The following RSU1 variants were observed in gnomAD, a reference collection of about 807,000 sequenced individuals.
The protein encoded by RSU1 is Ras suppressor protein 1, also known as rsu-1.
RSU1 carries 26 observed loss-of-function variants against 31.1 expected under a neutral mutation model. The observed-to-expected ratio is 0.84, with a 90% CI of 0.61 to 1.16. The LOEUF is 1.16. RSU1 is among the 50% of genes most tolerant of loss of function. RSU1 has a pLI of 0.00. For missense variants in RSU1, 320 were observed against 339.1 expected, an observed-to-expected ratio of 0.94 and a Z score of 0.44; for synonymous variants, 164 against 136.3, an observed-to-expected ratio of 1.20 and a Z score of -1.41.
chr10:16,619,516 A>G (rs77598344), intron 8 of RSU1, among the ~76,000 whole-genome samples: 2,186 of 152,330 alleles, frequency 0.014, 52 homozygotes, highest in African/African-American at 0.049. Context: ...AACAGAGGGA[A>G]TGAATCAACT....
chr10:16,718,800 G>A (rs971921567), intron 7 of RSU1, among the ~76,000 whole-genome samples: 1 of 152,006 alleles, frequency 6.6e-6, no homozygotes, highest in East Asian at 1.9e-4. Flanking sequence ...GGCCAACATG[G>A]TGAAACCCCG....
intron 2 of RSU1, among the ~76,000 whole-genome samples, chr10:16,813,551 T>C (rs1838457696): frequency 6.6e-6 from 1 of 152,238 alleles, no homozygotes. Context: ...CATTATTGCA[T>C]TTAACGCAAA....
intron 7 of RSU1, among the ~76,000 whole-genome samples, chr10:16,696,254 TC>T (rs1234457484): frequency 2.6e-5 from 4 of 152,172 alleles, no homozygotes; most frequent in Non-Finnish European, 4.4e-5. Flanking sequence ...CTGTTGCTGT[TC>T]CCAGGTTCTA....
intron 7 of RSU1, among the ~76,000 whole-genome samples, chr10:16,725,167 C>T (rs1010780093): frequency 5.9e-5 from 9 of 151,830 alleles, no homozygotes; most frequent in African/African-American, 2.2e-4. Context: ...TGTACATGTA[C>T]GATGCTTTAA....
rs571088937 is a variant in RSU1 at position 16,749,041 on chromosome 10, C to T, written c.598+3498G>A. The stretch of plus-strand genomic sequence containing the variant: ...GTTGAGTAAGTGACTCTTACTTTAC[C>T]GGAAAAGGCAAGTTCCTTGGACTCA... On this transcript the variant is annotated intron_variant, in intron 7 of 8. Coordinates refer to ENST00000345264, the MANE Select transcript of RSU1 (RefSeq NM_012425.4). 8.5e-5 allele frequency among the ~76,000 whole-genome samples: 13 copies of T among 152,180 alleles called. No homozygotes were observed. The South Asian group carries it at 2.1e-3, about 24-fold the overall frequency.
chr10:16,657,189 G>A (rs1055071470), intron 8 of RSU1, among the ~76,000 whole-genome samples: 1 of 152,154 alleles, frequency 6.6e-6, no homozygotes, highest in Non-Finnish European at 1.5e-5. Flanking sequence ...CAGAGATATT[G>A]ATTCAGATCT....
chr10:16,808,493 A>G (rs1274710440), intron 2 of RSU1, among the ~76,000 whole-genome samples: 1 of 150,912 alleles, frequency 6.6e-6, no homozygotes, highest in Non-Finnish European at 1.5e-5. Flanking sequence ...AAGAAAAAAA[A>G]AAAAAAAAAA....
At chr10:16,789,621 A>G (rs1202238279) in intron 2 of RSU1, among the ~76,000 whole-genome samples, 1 of 152,216 alleles carries the variant, frequency 6.6e-6, no homozygotes, top group Non-Finnish European at 1.5e-5. Context: ...GTTATTTAAA[A>G]GTACAAAAGC....
intron 7 of RSU1, among the ~76,000 whole-genome samples, chr10:16,749,007 C>T (rs1289510976): frequency 1.3e-5 from 2 of 152,100 alleles, no homozygotes; most frequent in Admixed American, 6.6e-5. Context: ...AGGGGCTCAA[C>T]AAACAGTTGT....
At chr10:16,672,651 TTTATC>T (rs1347672908) in intron 8 of RSU1, among the ~76,000 whole-genome samples, 4 of 151,972 alleles carry the variant, frequency 2.6e-5, no homozygotes, top group Admixed American at 2.0e-4. Context: ...TATGTCTATA[TTTATC>T]GAACACTCTA....
At chr10:16,642,296 A>G (rs991862793) in intron 8 of RSU1, among the ~76,000 whole-genome samples, 1 of 152,180 alleles carries the variant, frequency 6.6e-6, no homozygotes, top group Non-Finnish European at 1.5e-5. Flanking sequence ...ACCAAACAGG[A>G]TAATCCAGAG....
At chr10:16,798,188 C>T (rs376234424) in intron 2 of RSU1, among the ~76,000 whole-genome samples, 21 of 151,982 alleles carry the variant, frequency 1.4e-4, no homozygotes, top group African/African-American at 3.9e-4. Context: ...GAACAGGGAT[C>T]TGGGCAAAAG....
chr10:16,807,216 T>C (rs1401638153), intron 2 of RSU1, among the ~76,000 whole-genome samples: 1 of 152,230 alleles, frequency 6.6e-6, no homozygotes, highest in Non-Finnish European at 1.5e-5. Context: ...TCCTTGCAAG[T>C]AATTGCTTGT....
intron 8 of RSU1, among the ~76,000 whole-genome samples, chr10:16,598,121 G>C (rs1833652939): frequency 1.3e-5 from 2 of 152,196 alleles, no homozygotes; most frequent in Non-Finnish European, 2.9e-5. Flanking sequence ...CCTGAAACCT[G>C]TGACTGTTAT....
intron 7 of RSU1, among the ~76,000 whole-genome samples, chr10:16,743,393 T>C (rs1836789006): frequency 6.6e-6 from 1 of 152,202 alleles, no homozygotes; most frequent in Non-Finnish European, 1.5e-5. Context: ...TCCCATCATC[T>C]TTAAAAAGAG....
At chr10:16,761,606 C>T (rs1410750182) in intron 4 of RSU1, among the ~76,000 whole-genome samples, 7 of 152,156 alleles carry the variant, frequency 4.6e-5, no homozygotes, top group East Asian at 3.9e-4. Context: ...CCTGTAATGC[C>T]AGCACTTTGG....
intron 2 of RSU1, among the ~76,000 whole-genome samples, chr10:16,809,102 T>C (rs553753336): frequency 6.6e-6 from 1 of 152,370 alleles, no homozygotes; most frequent in Admixed American, 6.5e-5. Flanking sequence ...GTAGGTACTA[T>C]TAATCCTATT....
At chr10:16,702,786 T>C (rs138830937) in intron 7 of RSU1, among the ~76,000 whole-genome samples, 1 of 152,126 alleles carries the variant, frequency 6.6e-6, no homozygotes, top group African/African-American at 2.4e-5. Context: ...AGTTAAGACT[T>C]TGGGGGACAG....
chr10:16,769,484 T>G (rs550154566), intron 3 of RSU1, among the ~76,000 whole-genome samples: 70 of 152,272 alleles, frequency 4.6e-4, no homozygotes, highest in Non-Finnish European at 8.7e-4. Flanking sequence ...CGCAAAATGT[T>G]TTATTACACA....
Sources: allele counts gnomAD v4.1 joint callset (sites outside exome capture counted in the v4.1 genomes callset), GRCh38; gene constraint gnomAD v4.1.1; transcripts MANE v1.5; gene names NCBI Gene and HGNC (gene_info 2026-07-23, HGNC 2026-07-21).